IRAG2: variants seen among roughly 807,000 people sequenced by gnomAD.
IRAG2 encodes the protein lymphoid restricted membrane protein.
Under a neutral mutation model 69.9 loss-of-function variants are expected in IRAG2, and 45 were observed. The observed-to-expected ratio is 0.64, with a 90% confidence interval of 0.51 to 0.83. IRAG2 has a LOEUF of 0.83. IRAG2 is among the 40% of genes least tolerant of loss of function. The pLI, the probability that IRAG2 is intolerant of heterozygous loss-of-function variation, is 0.00. For missense variants in IRAG2, 520 were observed against 587.0 expected (o/e 0.89, Z 1.18); for synonymous variants, 193 against 202.4 (o/e 0.95, Z 0.40).
chr12:25,029,748 G>A (rs10771159), intron 9 of IRAG2, among the ~76,000 whole-genome samples: 50,253 of 151,608 alleles, frequency 0.33, 8,892 homozygotes, highest in Admixed American at 0.48. Flanking sequence ...TGGTGTGATC[G>A]TAGCTCACTG....
intron 16 of IRAG2, among the ~76,000 whole-genome samples, chr12:25,039,948 A>G (rs550067464): frequency 1.3e-5 from 2 of 152,302 alleles, no homozygotes; most frequent in East Asian, 3.9e-4. Flanking sequence ...GCCCAAGGTT[A>G]CCCAGCTGGG....
intron 10 of IRAG2, among the ~76,000 whole-genome samples, chr12:25,031,753 C>A (rs1944669441): frequency 6.6e-6 from 1 of 152,160 alleles, no homozygotes; most frequent in Non-Finnish European, 1.5e-5. Flanking sequence ...ACCTCCACCT[C>A]CTGGATTCAA....
chr12:25,012,466 C>G (rs938779409), intron 3 of IRAG2, among the ~76,000 whole-genome samples: 1 of 151,770 alleles, frequency 6.6e-6, no homozygotes, highest in African/African-American at 2.4e-5. Flanking sequence ...GCCAAGAAAC[C>G]TAATTCCTAT....
At chr12:25,105,783 T>G (rs1949048171) in intron 20 of IRAG2, among the ~76,000 whole-genome samples, 1 of 152,228 alleles carries the variant, frequency 6.6e-6, no homozygotes, top group Non-Finnish European at 1.5e-5. Flanking sequence ...CAATTTATTC[T>G]GGCTTTTGGG....
upstream of IRAG2, chr12:25,052,387 TCTC>T (rs1591943051): frequency 4.5e-5 from 18 of 397,266 alleles, no homozygotes; most frequent in East Asian, 6.1e-4. Flanking sequence ...TCAGGGGACA[TCTC>T]CTCAGATGCC....
intron 14 of IRAG2, among the ~76,000 whole-genome samples, chr12:25,091,515 A>G (rs1265778684): frequency 6.6e-6 from 1 of 152,210 alleles, no homozygotes; most frequent in Non-Finnish European, 1.5e-5. Context: ...TTTGGGTTGC[A>G]TCCACTTCTT....
At chr12:25,007,052 T>A (rs1200902928) in intron 2 of IRAG2, among the ~76,000 whole-genome samples, 1 of 152,242 alleles carries the variant, frequency 6.6e-6, no homozygotes, top group African/African-American at 2.4e-5. Context: ...TGGTTTTGTT[T>A]TATTTGAATT....
In IRAG2 at chr12:25,073,305, A is replaced by T. The variant is rs182081409; in HGVS notation, c.24+3874A>T. Among the ~76,000 whole-genome samples, 80 of 152,344 alleles carry T rather than the reference A, an allele frequency of 5.3e-4. 2 individuals are homozygous for T. The highest frequency in any genetic ancestry group is 1.9e-3 in the African/African-American group (77 of 41,572). On this transcript the variant is annotated intron_variant, in intron 6 of 21. Coordinates refer to ENST00000556887, the MANE Select transcript of IRAG2 (RefSeq NM_001366544.2). ...CAGTACCTTTATTTGGCCATTAACC[A>T]ATGCGCATGTAGCACCCTGCATAGG... is the stretch of plus-strand genomic sequence containing the variant.
chr12:25,081,693 T>C lies in IRAG2; in HGVS notation c.245-1730T>C, dbSNP rs577810649. Reference sequence around the variant, plus strand: ...ATCCCAAATAACATATGCAAATGCTTATATATTGCAGCATTGTCTGTAATA... The same window carrying C: ...ATCCCAAATAACATATGCAAATGCTCATATATTGCAGCATTGTCTGTAATA... On this transcript the variant is annotated intron_variant, in intron 9 of 21. Transcript: ENST00000556887. 2.0e-5 allele frequency among the ~76,000 whole-genome samples: 3 copies of C among 152,324 alleles called. No individual in the cohort carries two copies. The South Asian group carries it at 6.2e-4, about 32-fold the overall frequency.
At chr12:25,075,381 A>C (rs1946614148) in intron 6 of IRAG2, among the ~76,000 whole-genome samples, 1 of 152,200 alleles carries the variant, frequency 6.6e-6, no homozygotes, top group Admixed American at 6.5e-5. Flanking sequence ...TGATCACAAA[A>C]TCTGTAGTTT....
At chr12:25,042,095 G>A (rs530923072) in intron 16 of IRAG2, among the ~76,000 whole-genome samples, 1 of 152,172 alleles carries the variant, frequency 6.6e-6, no homozygotes, top group African/African-American at 2.4e-5. Flanking sequence ...GGTGAGGGAT[G>A]TAGTGTGGGT....
chr12:25,101,902 C>G (rs1338558622), intron 16 of IRAG2: 3 of 595,942 alleles, frequency 5.0e-6, no homozygotes, highest in East Asian at 7.4e-5. Flanking sequence ...ATATTTGATA[C>G]TCTTCTGAAC....
intron 3 of IRAG2, among the ~76,000 whole-genome samples, chr12:25,013,370 T>A (rs925039436): frequency 4.6e-5 from 7 of 152,092 alleles, no homozygotes; most frequent in Non-Finnish European, 8.8e-5. Context: ...CCAGGCTACT[T>A]GTGAGGCTGA....
chr12:25,002,432 A>G (rs908029033), upstream of IRAG2, among the ~76,000 whole-genome samples: 1 of 152,238 alleles, frequency 6.6e-6, no homozygotes, highest in Non-Finnish European at 1.5e-5. Flanking sequence ...AGAATTAAAA[A>G]GTATTTTTGA....
upstream of IRAG2, among the ~76,000 whole-genome samples, chr12:25,050,242 T>TA (rs1432719951): frequency 6.6e-6 from 1 of 151,252 alleles, no homozygotes; most frequent in Non-Finnish European, 1.5e-5. Context: ...TAGAAAATGT[T>TA]ATGGAGGGCC....
intron 1 of IRAG2, among the ~76,000 whole-genome samples, chr12:25,056,833 A>G (rs892773563): frequency 2.6e-5 from 4 of 152,220 alleles, no homozygotes; most frequent in African/African-American, 9.7e-5. Context: ...TGAACAGGCA[A>G]CAGGAACCCT....
At chr12:25,007,479 G>A (rs1000285866) in intron 2 of IRAG2, among the ~76,000 whole-genome samples, 2 of 151,714 alleles carry the variant, frequency 1.3e-5, no homozygotes, top group East Asian at 1.9e-4. Flanking sequence ...TCTGTGTTTC[G>A]CTTTCCATCT....
rs1364564806 is a variant in IRAG2, at chr12:25,079,694, C to G, written c.175C>G (p.Leu59Val). Residue 59 changes from leucine to valine, a missense_variant, in exon 9 of 22, where the codon CTT becomes GTT. Transcript: ENST00000556887. The part of the protein sequence containing the change: ...LEILNMASCD[L>V]DRNSLCKKEE... ...AATTCTGAATATGGCTTCTTGTGAC[C>G]TTGACAGAAACTCGCTCTGTAAGAA... 1.9e-6 allele frequency: 3 copies of G among 1,613,734 alleles called. No individual in the cohort carries two copies. Among genetic ancestry groups the G allele is most frequent in the African/African-American group, 2.7e-5 (2 of 74,876 alleles).
intron 6 of IRAG2, among the ~76,000 whole-genome samples, chr12:25,070,909 G>T (rs1234654806): frequency 6.6e-6 from 1 of 152,060 alleles, no homozygotes; most frequent in African/African-American, 2.4e-5. Context: ...TCATGTGTTT[G>T]TTGGCCATTT....
Sources: gnomAD v4.1 joint callset for allele counts (sites outside exome capture counted in the v4.1 genomes callset) on GRCh38, gnomAD v4.1.1 for gene constraint, MANE v1.5 for transcripts, NCBI Gene and HGNC (gene_info 2026-07-23, HGNC 2026-07-21) for gene names.